Variants in PLB1 observed in about 807,000 individuals in gnomAD.
PLB1 encodes phospholipase B1.
A neutral mutation model predicts 227.4 loss-of-function variants in PLB1; 242 were observed. That is an observed-to-expected ratio of 1.06 (90% CI 0.96 to 1.18). The LOEUF (loss-of-function observed/expected upper bound fraction) is 1.18. PLB1 is among the 50% of genes most tolerant of loss of function. The pLI is 0.00. For synonymous variants in PLB1, 757 were observed against 682.2 expected (o/e 1.11, Z -1.71); for missense variants, 1,858 against 1,816.3 (o/e 1.02, Z -0.42).
chr2:28,579,186 C>A (rs1186807448), intron 22 of PLB1, among the ~76,000 whole-genome samples: 1 of 152,206 alleles, frequency 6.6e-6, no homozygotes, highest in African/African-American at 2.4e-5. Context: ...ATTTGGAGAG[C>A]TCCCTCTTAA....
At chr2:28,604,194 G>A in intron 40 of PLB1, 147 bp downstream of exon 40, 2 of 723,354 alleles carry the variant, frequency 2.8e-6, no homozygotes, top group Non-Finnish European at 2.4e-6. Flanking sequence ...GCCTTCCTCT[G>A]TCTCACGTGA....
At position 28,518,494 on chromosome 2, in the gene PLB1, A is replaced by T. The variant is rs1558655182; in HGVS notation, c.146A>T (p.Asn49Ile). The change falls in exon 3 of 58, where the codon AAC becomes ATC. Residue 49 changes from asparagine to isoleucine, a missense_variant. Coordinates refer to ENST00000327757, the MANE Select transcript of PLB1 (RefSeq NM_153021.5). ...CTGAAGAATTCTCCATTCCCATGCA[A>T]CCCAAATAAATTAGGAGTGAATATG... Reference protein sequence around the residue: ...ETLKNSPFPCNPNKLGVNMPS... With the variant: ...ETLKNSPFPCIPNKLGVNMPS... The T allele has an allele frequency of 6.2e-7, 1 of 1,613,298 alleles. No individual in the cohort carries two copies. The highest frequency in any genetic ancestry group is 8.5e-7 in the Non-Finnish European group (1 of 1,179,246).
chr2:28,636,008 T>C (rs922433831), intron 56 of PLB1, among the ~76,000 whole-genome samples: 4 of 148,878 alleles, frequency 2.7e-5, no homozygotes, highest in Non-Finnish European at 4.5e-5. Flanking sequence ...TGTATGTGTA[T>C]GTATGTATGA....
At chr2:28,621,977 T>C (rs188536048) in intron 49 of PLB1, among the ~76,000 whole-genome samples, 15 of 152,344 alleles carry the variant, frequency 9.8e-5, no homozygotes, top group Admixed American at 2.0e-4. Context: ...ACTTCTCTTA[T>C]TGCCTTTTCT....
At chr2:28,638,762 C>T (rs964724851) in intron 56 of PLB1, among the ~76,000 whole-genome samples, 2 of 136,436 alleles carry the variant, frequency 1.5e-5, no homozygotes, top group East Asian at 2.3e-4. Flanking sequence ...GCCTTCCAGA[C>T]ATCCACATAG....
intron 9 of PLB1, among the ~76,000 whole-genome samples, chr2:28,534,310 A>G (rs575169962): frequency 6.6e-5 from 10 of 152,320 alleles, no homozygotes; most frequent in East Asian, 1.9e-4. Context: ...TTACTTGACT[A>G]TGTGGAAGAG....
At chr2:28,507,908 TG>T (rs925419560) in intron 1 of PLB1, among the ~76,000 whole-genome samples, 2 of 152,200 alleles carry the variant, frequency 1.3e-5, no homozygotes, top group Admixed American at 1.3e-4. Context: ...CCATCTCGAA[TG>T]TTTTTTGTAA....
At chr2:28,562,532 C>T in intron 17 of PLB1, among the ~76,000 whole-genome samples, 1 of 4,378 alleles carries the variant, frequency 2.3e-4, no homozygotes. Flanking sequence ...CAGAGCAAGA[C>T]TCTGTCTCAA....
Position 28,628,612 on chromosome 2 carries a change from A to G in PLB1, c.3710A>G (p.Asp1237Gly), listed in dbSNP as rs1488271488. Reference protein sequence around the residue: ...EYVQHIQQALDILSEELPRAF... With the variant: ...EYVQHIQQALGILSEELPRAF... The stretch of plus-strand genomic sequence containing the variant: ...GTTCAGCACATCCAACAGGCCCTGG[A>G]CATCCTCTCTGAGGAGGTAGGAGAG... Residue 1237 changes from aspartate (D) to glycine (G), a missense_variant, in exon 52 of 58, where the codon GAC becomes GGC. Physicochemically the swap from Asp to Gly is moderately conservative, Grantham distance 94. Coordinates refer to ENST00000327757, the MANE Select transcript of PLB1 (RefSeq NM_153021.5). 2 of 1,614,006 alleles carry G rather than the reference A, an allele frequency of 1.2e-6. No homozygotes were observed. The highest frequency in any genetic ancestry group is 2.7e-5 in the African/African-American group (2 of 74,906).
intron 14 of PLB1, 90 bp from the exon 15 acceptor site, chr2:28,548,770 T>C (rs543741676): frequency 3.2e-6 from 4 of 1,259,506 alleles, no homozygotes; most frequent in African/African-American, 1.5e-5. Context: ...CTGGTACTGC[T>C]GCTGGACTAA....
intron 2 of PLB1, 106 bp from the exon 3 acceptor site, chr2:28,518,360 A>T: frequency 1.2e-6 from 1 of 845,542 alleles, no homozygotes; most frequent in East Asian, 2.5e-5. Context: ...CTAGATTTTG[A>T]GCCTAGATAG....
At chr2:28,624,624 G>T (rs1196459078) in intron 49 of PLB1, among the ~76,000 whole-genome samples, 1 of 152,220 alleles carries the variant, frequency 6.6e-6, no homozygotes, top group Non-Finnish European at 1.5e-5. Flanking sequence ...AGAGAGCAGG[G>T]CTTAGAAGTA....
chr2:28,558,684 A>G (rs1106407), intron 17 of PLB1, among the ~76,000 whole-genome samples: 36,640 of 151,684 alleles, frequency 0.24, 4,670 homozygotes, highest in East Asian at 0.52. Flanking sequence ...TGCATGGTGC[A>G]TGTGTTCATG....
At chr2:28,620,680 C>G in intron 48 of PLB1, 37 bp downstream of exon 48, 1 of 1,612,394 alleles carries the variant, frequency 6.2e-7, no homozygotes, top group Non-Finnish European at 8.5e-7. Context: ...TCACTGTGGC[C>G]GTCCTCCCTG....
intron 20 of PLB1, 104 bp from the exon 21 acceptor site, chr2:28,573,093 G>A (rs1678286070): frequency 2.4e-6 from 2 of 835,606 alleles, no homozygotes; most frequent in South Asian, 1.5e-5. Flanking sequence ...AGTAGGGGCT[G>A]CGGAGTGGGG....
In PLB1 at chr2:28,620,966, G is replaced by T. The variant is rs1432787870; in HGVS notation, c.3515G>T (p.Gly1172Val). ...GCAGGACTAAATGTGGCAGCGGAAG[G>T]GGCCAGAGCTAGGTGAGTAGATGCC... Reference protein sequence around the residue: ...GTAGLNVAAEGARARDMPAQA... With the variant: ...GTAGLNVAAEVARARDMPAQA... Residue 1172 changes from glycine (G) to valine (V), a missense_variant, in exon 49 of 58, where the codon GGG (glycine) becomes GTG (valine). Transcript: ENST00000327757. The T allele has an allele frequency of 7.4e-6, 12 of 1,612,066 alleles. No individual in the cohort carries two copies. The highest frequency in any genetic ancestry group is 2.7e-5 in the African/African-American group (2 of 74,872).
intron 26 of PLB1, 87 bp from the exon 27 acceptor site, chr2:28,589,363 T>G (rs1681469639): frequency 6.0e-6 from 6 of 995,620 alleles, no homozygotes; most frequent in Non-Finnish European, 9.5e-6. Context: ...AGATTCTGTT[T>G]AATTCTGTGT....
intron 34 of PLB1, 63 bp downstream of exon 34, chr2:28,598,111 C>T (rs375612235): frequency 2.4e-4 from 341 of 1,405,436 alleles, no homozygotes; most frequent in East Asian, 1.8e-3. Flanking sequence ...CTTGGCTTCC[C>T]GAAAGTGCCT....
chr2:28,559,275 C>A (rs1330590795), intron 17 of PLB1, among the ~76,000 whole-genome samples: 1 of 152,252 alleles, frequency 6.6e-6, no homozygotes, highest in East Asian at 1.9e-4. Context: ...AATGCAAATC[C>A]TTGGGCCCAC....
Sources: allele counts gnomAD v4.1 joint callset (sites outside exome capture counted in the v4.1 genomes callset), GRCh38; gene constraint gnomAD v4.1.1; transcripts MANE v1.5; gene names NCBI Gene and HGNC (gene_info 2026-07-23, HGNC 2026-07-21).